The following ANKS1B variants were observed in gnomAD, a reference collection of about 807,000 sequenced individuals.
ANKS1B encodes ankyrin repeat and sterile alpha motif domain-containing protein 1B.
Under a neutral mutation model 148.3 loss-of-function variants are expected in ANKS1B, and 36 were observed. That is an observed-to-expected ratio of 0.24 (90% CI 0.19 to 0.32). The LOEUF (loss-of-function observed/expected upper bound fraction) is 0.32, where lower values mean the gene tolerates loss of function less well. Among genes scored for constraint, ANKS1B ranks in the 10% least tolerant of loss-of-function variants. The probability of loss-of-function intolerance (pLI) is 1.00; values close to 1 mark genes in which losing one functional copy is unlikely to be tolerated. For missense variants in ANKS1B, 1,157 were observed against 1,542.6 expected (o/e 0.75, Z 4.19); for synonymous variants, 542 against 560.8 (o/e 0.97, Z 0.47).
chr12:99,246,887 T>C lies in ANKS1B; in HGVS notation c.1757-23A>G, dbSNP rs1261710184. Reference sequence around the variant, plus strand: ...CATCTGCAAAAGGAAGGAAGGGATATCAGGGTTTATAAAGGTTCTGAAAGC... The same window carrying C: ...CATCTGCAAAAGGAAGGAAGGGATACCAGGGTTTATAAAGGTTCTGAAAGC... On this transcript the variant is annotated intron_variant, in intron 12 of 26. Coordinates refer to ENST00000683438, the MANE Select transcript of ANKS1B (RefSeq NM_001352186.2). The C allele has an allele frequency of 2.6e-6, 4 of 1,536,920 alleles. No homozygotes were observed. The South Asian group carries it at 5.1e-5, about 19-fold the overall frequency.
chr12:99,370,581 C>T (rs1001019616), intron 12 of ANKS1B, among the ~76,000 whole-genome samples: 1 of 152,142 alleles, frequency 6.6e-6, no homozygotes, highest in Non-Finnish European at 1.5e-5. Context: ...TTTTCCCAGT[C>T]TCAGGAGGTT....
At chr12:99,939,358 G>A (rs1212596687) in intron 1 of ANKS1B, among the ~76,000 whole-genome samples, 1 of 152,084 alleles carries the variant, frequency 6.6e-6, no homozygotes, top group East Asian at 1.9e-4. Flanking sequence ...CCAAAGTGCT[G>A]GGATTACAGG....
At chr12:99,351,461 G>A (rs1472740082) in intron 12 of ANKS1B, among the ~76,000 whole-genome samples, 1 of 151,626 alleles carries the variant, frequency 6.6e-6, no homozygotes, top group African/African-American at 2.4e-5. Flanking sequence ...AGAGTTATGG[G>A]AATGTTAGTG....
chr12:98,983,214 G>GATATC (rs2099916527), intron 17 of ANKS1B, among the ~76,000 whole-genome samples: 1 of 152,174 alleles, frequency 6.6e-6, no homozygotes, highest in Non-Finnish European at 1.5e-5. Flanking sequence ...TAGAGGCGCT[G>GATATC]TGGAAAAATC....
chr12:99,501,426 T>G (rs1051421043), intron 10 of ANKS1B, among the ~76,000 whole-genome samples: 1 of 152,212 alleles, frequency 6.6e-6, no homozygotes, highest in Non-Finnish European at 1.5e-5. Context: ...GGTATTAGTT[T>G]AAATGCATGA....
chr12:99,098,997 T>C (rs1316137145), intron 15 of ANKS1B, among the ~76,000 whole-genome samples: 2 of 152,170 alleles, frequency 1.3e-5, no homozygotes, highest in African/African-American at 4.8e-5. Flanking sequence ...TGGGAGGTCT[T>C]GCTTCCTGCT....
At chr12:99,825,620 A>C (rs1034074624) in intron 1 of ANKS1B, among the ~76,000 whole-genome samples, 8 of 152,210 alleles carry the variant, frequency 5.3e-5, no homozygotes, top group African/African-American at 1.7e-4. Context: ...AATTATTAAC[A>C]AATGTGTGTC....
At chr12:99,453,470 G>A (rs2095793167) in intron 10 of ANKS1B, among the ~76,000 whole-genome samples, 1 of 152,138 alleles carries the variant, frequency 6.6e-6, no homozygotes, top group South Asian at 2.1e-4. Context: ...GGCATGGTAA[G>A]GAGCTGAGGC....
intron 8 of ANKS1B, among the ~76,000 whole-genome samples, chr12:99,719,719 G>C (rs1311255154): frequency 1.3e-5 from 2 of 152,026 alleles, no homozygotes; most frequent in Non-Finnish European, 2.9e-5. Context: ...CTACACAAGG[G>C]TCCTCTATCA....
intron 4 of ANKS1B, among the ~76,000 whole-genome samples, chr12:99,800,316 G>A (rs2066781004): frequency 6.6e-6 from 1 of 151,902 alleles, no homozygotes; most frequent in Non-Finnish European, 1.5e-5. Flanking sequence ...CTCAGGAATG[G>A]AATTGGCCGG....
chr12:99,269,620 G>A (rs1193105244), intron 12 of ANKS1B, among the ~76,000 whole-genome samples: 2 of 152,034 alleles, frequency 1.3e-5, no homozygotes, highest in Non-Finnish European at 2.9e-5. Flanking sequence ...GTGCAGTAGC[G>A]CAATCTCGGC....
chr12:99,111,104 C>T (rs1489358529), intron 15 of ANKS1B, among the ~76,000 whole-genome samples: 1 of 152,208 alleles, frequency 6.6e-6, no homozygotes, highest in Non-Finnish European at 1.5e-5. Flanking sequence ...CTGGTGTCCT[C>T]AGCACCTGGC....
intron 12 of ANKS1B, among the ~76,000 whole-genome samples, chr12:99,288,474 T>A (rs147521599): frequency 2.4e-4 from 36 of 152,240 alleles, no homozygotes; most frequent in African/African-American, 7.2e-4. Flanking sequence ...CATCTGAACA[T>A]ACAAAACTCA....
intron 22 of ANKS1B, among the ~76,000 whole-genome samples, chr12:98,796,099 T>C (rs76731799): frequency 0.03 from 4,613 of 152,198 alleles, 126 homozygotes; most frequent in East Asian, 0.13. Context: ...TTCTACCACT[T>C]TGGGGTAATT....
intron 14 of ANKS1B, among the ~76,000 whole-genome samples, chr12:99,233,034 TAC>T (rs2087145372): frequency 6.6e-6 from 1 of 151,940 alleles, no homozygotes; most frequent in Non-Finnish European, 1.5e-5. Flanking sequence ...ACAGTCAAAA[TAC>T]AGTCAAAATT....
intron 12 of ANKS1B, among the ~76,000 whole-genome samples, chr12:99,319,249 A>T (rs1044698866): frequency 1.3e-5 from 2 of 152,132 alleles, no homozygotes; most frequent in Non-Finnish European, 2.9e-5. Flanking sequence ...TGTCTTGTTG[A>T]TCTGTCTAAT....
At chr12:99,915,225 CAAAAA>C (rs34176071) in intron 1 of ANKS1B, among the ~76,000 whole-genome samples, 1 of 101,654 alleles carries the variant, frequency 9.8e-6, no homozygotes, top group Non-Finnish European at 1.9e-5. Flanking sequence ...AAAGCTGTCT[CAAAAA>C]AAAAAAAAAA....
At position 99,614,892 on chromosome 12, in the gene ANKS1B, G is replaced by GAAA. The variant is rs36019881; in HGVS notation, c.1272+40172_1272+40174dup. ...GTTCTCTTAATTAATTCTTCCTCAG[G>GAAA]AAAAAAAAAAAGTTGCTTTAGTTTA... On this transcript the variant is annotated intron_variant, in intron 9 of 26. Transcript: ENST00000683438. 9.8e-3 allele frequency among the ~76,000 whole-genome samples: 1,457 copies of GAAA among 148,838 alleles called. 22 individuals are homozygous for GAAA. Among genetic ancestry groups the GAAA allele is most frequent in the African/African-American group, 0.021 (873 of 40,760 alleles).
chr12:99,528,276 A>C (rs2096948501), intron 9 of ANKS1B, among the ~76,000 whole-genome samples: 1 of 152,166 alleles, frequency 6.6e-6, no homozygotes, highest in African/African-American at 2.4e-5. Context: ...AAACCCTGGA[A>C]GAAAACCTAG....
Sources: allele counts gnomAD v4.1 joint callset (sites outside exome capture counted in the v4.1 genomes callset), GRCh38; gene constraint gnomAD v4.1.1; transcripts MANE v1.5; gene names NCBI Gene and HGNC (gene_info 2026-07-23, HGNC 2026-07-21).